The following CAST variants were observed in gnomAD, a reference collection of about 807,000 sequenced individuals.
The protein encoded by CAST is calpastatin.
CAST carries 76 observed loss-of-function variants against 119.6 expected under a neutral mutation model. That is an observed-to-expected ratio of 0.64 (90% CI 0.53 to 0.77). CAST has a LOEUF of 0.77. Ranked by LOEUF, CAST falls within the 30% of genes least tolerant of loss-of-function variation. CAST has a pLI of 0.00. For synonymous variants in CAST, 319 were observed against 331.6 expected, an observed-to-expected ratio of 0.96 and a Z score of 0.41; for missense variants, 953 against 946.5, an observed-to-expected ratio of 1.01 and a Z score of -0.09.
chr5:96,168,272 C>G, the CAST span, among the ~76,000 whole-genome samples: 1 of 152,156 alleles, frequency 6.6e-6, no homozygotes, highest in Non-Finnish European at 1.5e-5. Flanking sequence ...GCAATGGGAT[C>G]TGATGCCTTT....
the CAST span, among the ~76,000 whole-genome samples, chr5:96,500,090 A>C: frequency 4.0e-5 from 6 of 149,506 alleles, no homozygotes; most frequent in Admixed American, 1.3e-4. Flanking sequence ...GTGGCCCCCC[A>C]AAAAAATTAC....
At chr5:96,682,208 GAC>G (rs1407453935) in intron 2 of CAST, among the ~76,000 whole-genome samples, 1 of 152,172 alleles carries the variant, frequency 6.6e-6, no homozygotes, top group African/African-American at 2.4e-5. Context: ...CTGTAATTCT[GAC>G]ATTAGACATT....
the CAST span, among the ~76,000 whole-genome samples, chr5:96,110,511 GT>G: frequency 6.6e-6 from 1 of 152,168 alleles, no homozygotes; most frequent in African/African-American, 2.4e-5. Flanking sequence ...AAGGGTCATA[GT>G]TTTTACTGCT....
intron 10 of CAST, among the ~76,000 whole-genome samples, chr5:96,737,394 A>G (rs1761884706): frequency 6.6e-6 from 1 of 152,224 alleles, no homozygotes; most frequent in Admixed American, 6.5e-5. Context: ...AATAGGTACT[A>G]TATAGAGATT....
At chr5:96,650,768 A>G (rs931697684) in intron 1 of CAST, among the ~76,000 whole-genome samples, 5 of 117,010 alleles carry the variant, frequency 4.3e-5, no homozygotes, top group African/African-American at 1.7e-4. Flanking sequence ...GTGTGTGTGT[A>G]GCGTGTGGGC....
the CAST span, among the ~76,000 whole-genome samples, chr5:95,979,317 T>C: frequency 6.6e-6 from 1 of 152,178 alleles, no homozygotes; most frequent in Admixed American, 6.5e-5. Flanking sequence ...TTTGCATTTA[T>C]CCTATTAAAC....
chr5:96,500,324 T>G, the CAST span, among the ~76,000 whole-genome samples: 1 of 152,332 alleles, frequency 6.6e-6, no homozygotes. Context: ...AGAAGCACAA[T>G]AAAACAAGGT....
chr5:96,198,418 G>T, the CAST span, among the ~76,000 whole-genome samples: 1 of 152,032 alleles, frequency 6.6e-6, no homozygotes, highest in Non-Finnish European at 1.5e-5. Context: ...GCTGCTCTCT[G>T]CTTCTCTGTG....
chr5:96,239,622 C>T, the CAST span, among the ~76,000 whole-genome samples: 2,378 of 151,962 alleles, frequency 0.016, 71 homozygotes, highest in African/African-American at 0.055. Context: ...TTTGTCCTAA[C>T]GTCTTTCAAT....
the CAST span, among the ~76,000 whole-genome samples, chr5:96,212,710 CT>C: frequency 2.0e-5 from 3 of 152,132 alleles, no homozygotes; most frequent in African/African-American, 7.2e-5. Context: ...GTAGACTTGT[CT>C]ATTTCTCTTT....
chr5:96,382,765 A>G, the CAST span, among the ~76,000 whole-genome samples: 7 of 152,224 alleles, frequency 4.6e-5, no homozygotes, highest in Non-Finnish European at 1.0e-4. Context: ...TTACAGATGA[A>G]GAAACTGAGA....
At chr5:96,414,070 C>G in the CAST span, among the ~76,000 whole-genome samples, 1 of 142,792 alleles carries the variant, frequency 7.0e-6, no homozygotes, top group South Asian at 2.2e-4. Flanking sequence ...ACCCGGGAGG[C>G]GGAGCTTGCA....
intron 8 of CAST, among the ~76,000 whole-genome samples, chr5:96,730,274 T>C (rs1380268711): frequency 6.6e-6 from 1 of 152,190 alleles, no homozygotes; most frequent in African/African-American, 2.4e-5. Context: ...TGGAAGATAA[T>C]AACGAGGTCT....
chr5:96,663,267 C>T, intron 1 of CAST: 1 of 700,190 alleles, frequency 1.4e-6, no homozygotes, highest in South Asian at 1.5e-5. Flanking sequence ...AAGCGTTGTC[C>T]GGGGTTTGGC....
chr5:96,280,422 A>G, the CAST span, among the ~76,000 whole-genome samples: 2 of 152,250 alleles, frequency 1.3e-5, no homozygotes, highest in Non-Finnish European at 2.9e-5. Flanking sequence ...ACTAACAATG[A>G]AGTAGAATTC....
the CAST span, among the ~76,000 whole-genome samples, chr5:96,336,278 T>C: frequency 6.6e-6 from 1 of 152,240 alleles, no homozygotes; most frequent in Non-Finnish European, 1.5e-5. Context: ...CATTTACCAA[T>C]AAATATGTTT....
At chr5:96,706,995 AT>A (rs1173777829) in intron 3 of CAST, among the ~76,000 whole-genome samples, 1 of 152,156 alleles carries the variant, frequency 6.6e-6, no homozygotes, top group East Asian at 1.9e-4. Flanking sequence ...TGCTGCTCAT[AT>A]TTCTGTTTCT....
chr5:96,560,576 A>G (rs544660962), intron 1 of CAST, among the ~76,000 whole-genome samples: 1 of 152,244 alleles, frequency 6.6e-6, no homozygotes, highest in African/African-American at 2.4e-5. Flanking sequence ...GAAGACATTT[A>G]TGCAGCCAAA....
chr5:96,600,811 C>A (rs1747136733), intron 1 of CAST, among the ~76,000 whole-genome samples: 1 of 152,038 alleles, frequency 6.6e-6, no homozygotes, highest in Non-Finnish European at 1.5e-5. Flanking sequence ...GAGTAAAGAG[C>A]AATAAATAAT....
Sources: gnomAD v4.1 joint callset for allele counts (sites outside exome capture counted in the v4.1 genomes callset) on GRCh38, gnomAD v4.1.1 for gene constraint, MANE v1.5 for transcripts, NCBI Gene and HGNC (gene_info 2026-07-23, HGNC 2026-07-21) for gene names.